Variants in ZC3H11A observed in about 807,000 individuals in gnomAD.
The protein encoded by ZC3H11A is zinc finger CCCH domain-containing protein 11A.
Under a neutral mutation model 90.8 loss-of-function variants are expected in ZC3H11A, and 22 were observed. The observed-to-expected ratio is 0.24, with a 90% confidence interval of 0.17 to 0.35. The LOEUF is 0.35. Ranked by LOEUF, ZC3H11A falls within the 10% of genes least tolerant of loss-of-function variation. ZC3H11A has a pLI of 1.00. For missense variants in ZC3H11A, 701 were observed against 964.9 expected (o/e 0.73, Z 3.62); for synonymous variants, 294 against 339.8 (o/e 0.87, Z 1.48).
intron 13 of ZC3H11A, 106 bp from the exon 14 acceptor site, chr1:203,848,225 T>C (rs1688405111): frequency 1.1e-6 from 1 of 920,668 alleles, no homozygotes. Context: ...TGTAATTTTA[T>C]TTGTCCTGTC....
chr1:203,818,473 A>G, intron 3 of ZC3H11A, 97 bp from the exon 4 acceptor site: 1 of 1,531,496 alleles, frequency 6.5e-7, no homozygotes, highest in Non-Finnish European at 8.9e-7. Flanking sequence ...TTTCTTACTC[A>G]TTTGTGCTTG....
intron 4 of ZC3H11A, among the ~76,000 whole-genome samples, chr1:203,819,055 A>C (rs935875228): frequency 3.6e-5 from 5 of 140,222 alleles, no homozygotes; most frequent in Non-Finnish European, 6.1e-5. Context: ...GTGACAGAGC[A>C]ACACTCCGTC....
intron 3 of ZC3H11A, 37 bp downstream of exon 3, chr1:203,817,161 A>G: frequency 4.6e-6 from 7 of 1,534,108 alleles, no homozygotes; most frequent in Non-Finnish European, 6.2e-6. Context: ...TCTTTCTACA[A>G]TTTGCTTAAT....
chr1:203,847,122 A>G, intron 12 of ZC3H11A, 62 bp from the exon 13 acceptor site: 4 of 1,568,254 alleles, frequency 2.6e-6, no homozygotes, highest in Admixed American at 3.6e-5. Context: ...GAATAGAGAG[A>G]TCATAAGTCA....
chr1:203,812,085 G>C (rs1343861761), intron 2 of ZC3H11A, among the ~76,000 whole-genome samples: 2 of 152,102 alleles, frequency 1.3e-5, no homozygotes, highest in Non-Finnish European at 1.5e-5. Context: ...CCAAAGTGCT[G>C]GGATTACATG....
At chr1:203,799,239 A>G (rs1669741204) in intron 1 of ZC3H11A, 1 of 846,660 alleles carries the variant, frequency 1.2e-6, no homozygotes, top group Non-Finnish European at 1.9e-6. Context: ...GGTACATGCA[A>G]TCAAAGATGG....
chr1:203,804,252 C>T (rs1013495797), intron 2 of ZC3H11A, among the ~76,000 whole-genome samples: 3 of 150,726 alleles, frequency 2.0e-5, no homozygotes, highest in South Asian at 2.1e-4. Context: ...CCCGGGTTCA[C>T]GCCATTCTCC....
rs1047416485 is a variant in ZC3H11A, at chr1:203,812,131, A to C, written c.-145-4795A>C. ...CACACTGGGCCTTAACTTTCATTTT[A>C]AATTCAGGGGTACATGTGCAGGATG... On this transcript the variant is annotated intron_variant, in intron 2 of 17. Coordinates refer to ENST00000367210, the MANE Select transcript of ZC3H11A (RefSeq NM_001376342.1). Among the ~76,000 whole-genome samples, 6 of 152,092 alleles carry C rather than the reference A, an allele frequency of 3.9e-5. No homozygotes were observed. The South Asian group carries it at 1.2e-3, about 32-fold the overall frequency.
At chr1:203,813,362 A>G (rs2102691125) in intron 2 of ZC3H11A, among the ~76,000 whole-genome samples, 1 of 152,202 alleles carries the variant, frequency 6.6e-6, no homozygotes, top group East Asian at 1.9e-4. Context: ...ATTCACCACC[A>G]TGCCTGGCTA....
intron 4 of ZC3H11A, among the ~76,000 whole-genome samples, chr1:203,822,868 G>A (rs1046807777): frequency 6.6e-6 from 1 of 152,100 alleles, no homozygotes; most frequent in Non-Finnish European, 1.5e-5. Context: ...CTGAATGCCT[G>A]TCTCCCTCAA....
chr1:203,796,684 T>G (rs920696609), intron 1 of ZC3H11A: 1 of 380,024 alleles, frequency 2.6e-6, no homozygotes, highest in African/African-American at 2.1e-5. Context: ...CACTTTTTGC[T>G]ATCTCTATAG....
chr1:203,833,379 A>AC (rs1683084084), intron 9 of ZC3H11A, among the ~76,000 whole-genome samples: 1 of 145,678 alleles, frequency 6.9e-6, no homozygotes, highest in Non-Finnish European at 1.5e-5. Context: ...AAAAAAAAAA[A>AC]AAAAACACCA....
Position 203,847,197 on chromosome 1 carries a change from A to G in ZC3H11A, c.1056A>G (p.Lys352=). Residue 352 remains lysine, a synonymous_variant, in exon 13 of 18, where the codon AAA becomes AAG. Transcript: ENST00000367210. ...CTGTGAAAACAGATAAAGTTAATAA[A>G]GTTGGTGAGATCCATGTGAAGACAT... The part of the protein sequence containing the change: ...DNEDATDKVN[K]VGEIHVKTLE... 6.2e-7 allele frequency: 1 copy of G among 1,612,992 alleles called. No individual in the cohort carries two copies. Among genetic ancestry groups the G allele is most frequent in the Non-Finnish European group, 8.5e-7 (1 of 1,179,700 alleles).
intron 5 of ZC3H11A, 32 bp downstream of exon 5, chr1:203,828,454 C>T (rs758202497): frequency 6.4e-7 from 1 of 1,574,386 alleles, no homozygotes; most frequent in Non-Finnish European, 8.6e-7. Flanking sequence ...AAAAGAATAT[C>T]AAATGAACAC....
At chr1:203,852,111 A>T in intron 17 of ZC3H11A, 30 bp from the exon 18 acceptor site, 1 of 1,611,846 alleles carries the variant, frequency 6.2e-7, no homozygotes, top group Non-Finnish European at 8.5e-7. Context: ...TTAAAACGGC[A>T]GTTTTCTAAT....
intron 1 of ZC3H11A, chr1:203,798,484 C>T (rs1669399389): frequency 2.6e-6 from 4 of 1,536,070 alleles, no homozygotes; most frequent in Non-Finnish European, 2.6e-6. Flanking sequence ...TGGGCTGTTG[C>T]CAACAAAGAC....
intron 2 of ZC3H11A, among the ~76,000 whole-genome samples, chr1:203,808,914 T>C (rs1429184007): frequency 6.6e-6 from 1 of 152,158 alleles, no homozygotes; most frequent in African/African-American, 2.4e-5. Context: ...CACTGCAACC[T>C]CCACCTCCCG....
intron 2 of ZC3H11A, among the ~76,000 whole-genome samples, chr1:203,812,945 C>A (rs1487022716): frequency 6.6e-6 from 1 of 152,170 alleles, no homozygotes; most frequent in Non-Finnish European, 1.5e-5. Flanking sequence ...GGCAAGATTT[C>A]AAATGCTTAT....
chr1:203,852,655 C>A lies in ZC3H11A; in HGVS notation c.*256C>A. 2.1e-6 allele frequency: 1 copy of A among 482,016 alleles called. No individual in the cohort carries two copies. Among genetic ancestry groups the A allele is most frequent in the Non-Finnish European group, 3.7e-6 (1 of 269,166 alleles). 29.9% of individuals were successfully genotyped at this position (482,016 alleles called of 1,614,324 possible). A position where few individuals can be genotyped will look rare whatever the true frequency, so the allele number is the denominator to read the frequency against. On this transcript the variant is annotated 3_prime_UTR_variant, in exon 18 of 18. Coordinates refer to ENST00000367210, the MANE Select transcript of ZC3H11A (RefSeq NM_001376342.1). ...AAAAGTTCTGTCATACCCTTCTCTC[C>A]ACAAAAAAGAGACTGAGAGGGAGAT...
Sources: gnomAD v4.1 joint callset for allele counts (sites outside exome capture counted in the v4.1 genomes callset) on GRCh38, gnomAD v4.1.1 for gene constraint, MANE v1.5 for transcripts, NCBI Gene and HGNC (gene_info 2026-07-23, HGNC 2026-07-21) for gene names.